MAOB: variants seen among roughly 807,000 people sequenced by gnomAD.
MAOB encodes amine oxidase [flavin-containing] B.
In MAOB, 15 loss-of-function variants were observed where a neutral mutation model predicts 41.9. The ratio of observed to expected loss-of-function variants is 0.36; its 90% CI spans 0.24 to 0.55. The LOEUF (loss-of-function observed/expected upper bound fraction) is 0.55. Ranked by LOEUF, MAOB falls within the 20% of genes least tolerant of loss-of-function variation. The probability of loss-of-function intolerance (pLI) is 0.86; values close to 1 mark genes in which losing one functional copy is unlikely to be tolerated. For synonymous variants in MAOB, 167 were observed against 144.2 expected, an observed-to-expected ratio of 1.16 and a Z score of -1.13; for missense variants, 345 against 398.7, an observed-to-expected ratio of 0.87 and a Z score of 1.15.
chrX:43,774,271 A>G (rs1445808730), intron 12 of MAOB, among the ~76,000 whole-genome samples: 2 of 111,771 alleles, frequency 1.8e-5, no homozygotes, highest in African/African-American at 6.5e-5. Context: ...TCACTGCTAT[A>G]TTATTAGTTC....
chrX:43,857,699 T>C (rs912613184), intron 1 of MAOB, among the ~76,000 whole-genome samples: 6 of 110,980 alleles, frequency 5.4e-5, no homozygotes, highest in African/African-American at 2.0e-4. Flanking sequence ...AGTGCTAGCT[T>C]CTGGAAGTTA....
intron 1 of MAOB, among the ~76,000 whole-genome samples, chrX:43,853,336 C>T (rs774555516): frequency 9.3e-6 from 1 of 107,886 alleles, no homozygotes; most frequent in Admixed American, 9.8e-5. Flanking sequence ...GGAAAGTTCC[C>T]CTGTTTTTTT....
chrX:43,808,663 T>TATCTAG (rs2034699900), intron 3 of MAOB, among the ~76,000 whole-genome samples: 1 of 100,998 alleles, frequency 9.9e-6, no homozygotes, highest in Admixed American at 1.1e-4. Flanking sequence ...TCTATATCTA[T>TATCTAG]ATCTATATCT....
intron 1 of MAOB, among the ~76,000 whole-genome samples, chrX:43,860,434 C>T (rs1048306656): frequency 9.0e-6 from 1 of 111,574 alleles, no homozygotes; most frequent in African/African-American, 3.3e-5. Context: ...AGGCCAAAAT[C>T]CAGGAATTGT....
chrX:43,786,627 A>C (rs1267001721), intron 8 of MAOB, among the ~76,000 whole-genome samples: 1 of 112,187 alleles, frequency 8.9e-6, no homozygotes, highest in Non-Finnish European at 1.9e-5. Flanking sequence ...GAATCCCCTA[A>C]TATAAGAAGG....
chrX:43,799,518 T>A (rs1171523230), intron 5 of MAOB, among the ~76,000 whole-genome samples: 1 of 110,754 alleles, frequency 9.0e-6, no homozygotes, highest in Non-Finnish European at 1.9e-5. Context: ...GGCAATTTGG[T>A]GGGAAAGAAA....
intron 13 of MAOB, 50 bp from the exon 14 acceptor site, chrX:43,768,766 T>C: frequency 9.9e-7 from 1 of 1,011,112 alleles, no homozygotes; most frequent in Non-Finnish European, 1.4e-6. Flanking sequence ...ACCATCTTTC[T>C]TCTAATCTGC....
chrX:43,878,858 A>G (rs933634177), intron 1 of MAOB, among the ~76,000 whole-genome samples: 9 of 111,701 alleles, frequency 8.1e-5, no homozygotes, highest in Admixed American at 2.9e-4. Flanking sequence ...GTTGGTTACA[A>G]TTTGGAAGTC....
intron 3 of MAOB, among the ~76,000 whole-genome samples, 179 bp from the exon 4 acceptor site, chrX:43,803,583 G>T (rs745565376): frequency 3.6e-5 from 4 of 112,114 alleles, no homozygotes; most frequent in African/African-American, 1.3e-4. Flanking sequence ...CATAGAGATT[G>T]CCAGCAAAAT....
At chrX:43,856,049 A>ACC (rs2035285018) in intron 1 of MAOB, among the ~76,000 whole-genome samples, 1 of 111,285 alleles carries the variant, frequency 9.0e-6, no homozygotes, top group South Asian at 3.8e-4. Context: ...AACAAAAAAA[A>ACC]CCCCAAAACT....
Position 43,803,321 on chromosome X carries a change from T to G in MAOB, c.363A>C (p.Thr121=). ...TYLDHNNFWR[T]MDDMGREIPS... Reference sequence around the variant, plus strand: ...TTACCTCTCGCCCCATGTCATCCATTGTCCTCCAAAAGTTGTTATGATCTA... The same window carrying G: ...TTACCTCTCGCCCCATGTCATCCATGGTCCTCCAAAAGTTGTTATGATCTA... The change falls in exon 4 of 15, where the codon ACA becomes ACC. Residue 121 remains threonine, a synonymous_variant. Coordinates refer to ENST00000378069, the MANE Select transcript of MAOB (RefSeq NM_000898.5). The G allele has an allele frequency of 8.6e-6, 10 of 1,165,498 alleles. No homozygotes were observed. Among genetic ancestry groups the G allele is most frequent in the Non-Finnish European group, 1.1e-5 (10 of 877,394 alleles).
chrX:43,770,465 A>C (rs913226081), intron 12 of MAOB, among the ~76,000 whole-genome samples: 60 of 111,958 alleles, frequency 5.4e-4, no homozygotes, highest in African/African-American at 1.9e-3. Flanking sequence ...ACCAGCAACA[A>C]AGACAAAGTA....
At chrX:43,781,799 C>T (rs1035707978) in intron 8 of MAOB, among the ~76,000 whole-genome samples, 1 of 111,838 alleles carries the variant, frequency 8.9e-6, no homozygotes, top group African/African-American at 3.3e-5. Context: ...TCCAGGTCAC[C>T]GTTTAATGAA....
At chrX:43,812,926 GAAT>G (rs2147145851) in intron 3 of MAOB, among the ~76,000 whole-genome samples, 1 of 111,891 alleles carries the variant, frequency 8.9e-6, no homozygotes, top group South Asian at 3.7e-4. Context: ...AGCCCTGCAA[GAAT>G]AATAATAAGA....
chrX:43,776,246 C>G, intron 11 of MAOB, among the ~76,000 whole-genome samples: 1 of 112,399 alleles, frequency 8.9e-6, no homozygotes, highest in East Asian at 2.8e-4. Flanking sequence ...AAATAGACAC[C>G]AAAGCAAAAA....
intron 4 of MAOB, 52 bp from the exon 5 acceptor site, chrX:43,802,315 T>C: frequency 1.2e-6 from 1 of 832,999 alleles, no homozygotes; most frequent in Non-Finnish European, 1.7e-6. Context: ...TTTTCTCTTT[T>C]ATTTTATTCA....
chrX:43,850,458 A>G (rs1311390614), intron 1 of MAOB: 14 of 751,661 alleles, frequency 1.9e-5, no homozygotes, highest in Admixed American at 8.9e-5. Context: ...GTTTTGGCCA[A>G]ATAGTTCCTC....
intron 3 of MAOB, among the ~76,000 whole-genome samples, chrX:43,834,322 A>C (rs957869378): frequency 7.2e-5 from 8 of 111,747 alleles, no homozygotes; most frequent in African/African-American, 2.6e-4. Flanking sequence ...GATTAATAGG[A>C]TCGGGGACAG....
intron 5 of MAOB, among the ~76,000 whole-genome samples, chrX:43,801,046 T>G (rs887381821): frequency 9.1e-6 from 1 of 109,741 alleles, no homozygotes; most frequent in African/African-American, 3.3e-5. Context: ...TCCTCCCTTT[T>G]AAAAATAATG....
Sources: allele counts gnomAD v4.1 joint callset (sites outside exome capture counted in the v4.1 genomes callset), GRCh38; gene constraint gnomAD v4.1.1; transcripts MANE v1.5; gene names NCBI Gene and HGNC (gene_info 2026-07-23, HGNC 2026-07-21).